The following TNFAIP8 variants were observed in gnomAD, a reference collection of about 807,000 sequenced individuals.
The protein encoded by TNFAIP8 is TNF alpha induced protein 8.
TNFAIP8 carries 7 observed loss-of-function variants against 13.3 expected under a neutral mutation model. That is an observed-to-expected ratio of 0.52 (90% CI 0.30 to 0.99). TNFAIP8 has a LOEUF of 0.99. Among genes scored for constraint, TNFAIP8 ranks in the 50% least tolerant of loss-of-function variants. TNFAIP8 has a pLI of 0.07. For missense variants in TNFAIP8, 258 were observed against 236.9 expected (o/e 1.09, Z -0.58); for synonymous variants, 94 against 87.6 (o/e 1.07, Z -0.41).
At chr5:119,364,841 G>GTT (rs10714712) in intron 1 of TNFAIP8, among the ~76,000 whole-genome samples, 967 of 88,650 alleles carry the variant, frequency 0.011, 74 homozygotes, top group African/African-American at 0.02. Context: ...TTTCTTTTCA[G>GTT]TTTTTTTTTT....
intron 1 of TNFAIP8, among the ~76,000 whole-genome samples, chr5:119,276,129 T>A (rs559179077): frequency 2.6e-5 from 4 of 152,078 alleles, no homozygotes; most frequent in Admixed American, 2.6e-4. Context: ...TTTTTTTTCT[T>A]TTTTTTGAGT....
chr5:119,285,438 G>A (rs1340059671), intron 1 of TNFAIP8, among the ~76,000 whole-genome samples: 1 of 149,910 alleles, frequency 6.7e-6, no homozygotes, highest in Non-Finnish European at 1.5e-5. Context: ...GTGGAATGAG[G>A]AATTCTGCAC....
At chr5:119,299,536 T>C (rs570430044) in intron 1 of TNFAIP8, among the ~76,000 whole-genome samples, 6 of 152,274 alleles carry the variant, frequency 3.9e-5, no homozygotes, top group Admixed American at 2.6e-4. Flanking sequence ...TGCCTCCCAG[T>C]TAGGCTGCTT....
chr5:119,317,998 T>A (rs1749949454), intron 1 of TNFAIP8, among the ~76,000 whole-genome samples: 1 of 152,200 alleles, frequency 6.6e-6, no homozygotes, highest in Admixed American at 6.5e-5. Flanking sequence ...ATAAGTTGTG[T>A]TTTTTTCTTG....
rs1753111051 is a variant in TNFAIP8 at position 119,397,854 on chromosome 5, C to T, written c.*4473C>T. On this transcript the variant is annotated 3_prime_UTR_variant, in exon 2 of 2. Coordinates refer to ENST00000504771, the MANE Select transcript of TNFAIP8 (RefSeq NM_014350.4). ...CAAAGCCAGAAAGATATTTTTATCTCAGGGAAATTCCAGAAATGGAAACAT... is the reference window on the plus strand; with the variant it reads ...CAAAGCCAGAAAGATATTTTTATCTTAGGGAAATTCCAGAAATGGAAACAT... The T allele has an allele frequency of 6.6e-6, 1 of 152,204 alleles. No homozygotes were observed. The highest frequency in any genetic ancestry group is 1.5e-5 in the Non-Finnish European group (1 of 68,042). The allele number at this position is 152,204 out of a possible 1,614,324, so 9.4% of individuals were successfully genotyped here.
intron 1 of TNFAIP8, among the ~76,000 whole-genome samples, chr5:119,323,381 C>T (rs1399793736): frequency 6.6e-6 from 1 of 152,128 alleles, no homozygotes; most frequent in Non-Finnish European, 1.5e-5. Flanking sequence ...AAGCACATTC[C>T]CACCCCACCC....
chr5:119,283,191 C>A, intron 1 of TNFAIP8, among the ~76,000 whole-genome samples: 1 of 152,242 alleles, frequency 6.6e-6, no homozygotes, highest in Non-Finnish European at 1.5e-5. Context: ...GGTTCACTCA[C>A]CCTGTTAGGT....
intron 1 of TNFAIP8, among the ~76,000 whole-genome samples, chr5:119,350,070 A>G (rs533963090): frequency 8.5e-4 from 130 of 152,340 alleles, no homozygotes; most frequent in Non-Finnish European, 1.5e-3. Context: ...TGATGACCCA[A>G]GGGGGCTAAT....
chr5:119,381,847 G>T (rs1264066237), intron 1 of TNFAIP8, among the ~76,000 whole-genome samples: 1 of 151,934 alleles, frequency 6.6e-6, no homozygotes, highest in Non-Finnish European at 1.5e-5. Context: ...CAGGAGAATC[G>T]CTTGAACCCG....
intron 1 of TNFAIP8, among the ~76,000 whole-genome samples, chr5:119,269,381 G>T (rs1319893308): frequency 6.6e-6 from 1 of 152,214 alleles, no homozygotes; most frequent in African/African-American, 2.4e-5. Context: ...AACGGGCAGA[G>T]ACCAGAGCCC....
chr5:119,272,947 T>C (rs914282777), intron 1 of TNFAIP8, among the ~76,000 whole-genome samples: 1 of 152,188 alleles, frequency 6.6e-6, no homozygotes, highest in East Asian at 1.9e-4. Context: ...GGATTGAGAC[T>C]CCAGGCTAAC....
intron 1 of TNFAIP8, among the ~76,000 whole-genome samples, chr5:119,287,501 C>T (rs1053473085): frequency 6.6e-6 from 1 of 151,940 alleles, no homozygotes; most frequent in African/African-American, 2.4e-5. Flanking sequence ...TTCAAGTAAA[C>T]AATACAGAAT....
chr5:119,282,742 A>G (rs1195873598), intron 1 of TNFAIP8, among the ~76,000 whole-genome samples: 1 of 152,118 alleles, frequency 6.6e-6, no homozygotes, highest in Non-Finnish European at 1.5e-5. Context: ...TGACCACTGC[A>G]TCAGTGGGTG....
intron 1 of TNFAIP8, among the ~76,000 whole-genome samples, chr5:119,364,841 G>GTTTTTTTTTTTTTTTTTTTT (rs10714712): frequency 1.1e-5 from 1 of 88,710 alleles, no homozygotes; most frequent in African/African-American, 4.7e-5. Flanking sequence ...TTTCTTTTCA[G>GTTTTTTTTTTTTTTTTTTTT]TTTTTTTTTT....
chr5:119,333,071 C>A (rs1437355861), intron 1 of TNFAIP8: 5 of 365,938 alleles, frequency 1.4e-5, no homozygotes, highest in Non-Finnish European at 1.9e-5. Flanking sequence ...TTTTTTCAGG[C>A]ATCTGTGAAT....
intron 1 of TNFAIP8, among the ~76,000 whole-genome samples, chr5:119,294,464 G>C (rs1387778585): frequency 6.6e-6 from 1 of 152,086 alleles, no homozygotes; most frequent in Non-Finnish European, 1.5e-5. Context: ...CATTTGGGTT[G>C]GTTCCAAGTC....
chr5:119,390,878 G>A (rs771430091), intron 1 of TNFAIP8, among the ~76,000 whole-genome samples: 5 of 151,948 alleles, frequency 3.3e-5, no homozygotes, highest in Non-Finnish European at 5.9e-5. Context: ...GAGTGCAGTA[G>A]TGCAATCACT....
intron 1 of TNFAIP8, among the ~76,000 whole-genome samples, chr5:119,387,765 G>A (rs1027134542): frequency 6.6e-6 from 1 of 152,170 alleles, no homozygotes; most frequent in African/African-American, 2.4e-5. Context: ...GGCCAAGGGA[G>A]GAGATACAGA....
chr5:119,391,426 T>C, intron 1 of TNFAIP8: 3 of 702,132 alleles, frequency 4.3e-6, no homozygotes, highest in Non-Finnish European at 5.2e-6. Flanking sequence ...AGAGATTGAG[T>C]AGACACCCAA....
Sources: allele counts gnomAD v4.1 joint callset (sites outside exome capture counted in the v4.1 genomes callset), GRCh38; gene constraint gnomAD v4.1.1; transcripts MANE v1.5; gene names NCBI Gene and HGNC (gene_info 2026-07-23, HGNC 2026-07-21).